The following ZNF148 variants were observed in gnomAD, a reference collection of about 807,000 sequenced individuals.
The protein encoded by ZNF148 is zinc finger protein 148, also known as Beta-Enolase Repressor Factor-1.
ZNF148 carries 7 observed loss-of-function variants against 67.7 expected under a neutral mutation model. That is an observed-to-expected ratio of 0.10 (90% CI 0.06 to 0.19). The LOEUF (loss-of-function observed/expected upper bound fraction) is 0.19. Ranked by LOEUF, ZNF148 falls within the 10% of genes least tolerant of loss-of-function variation. ZNF148 has a pLI of 1.00. For synonymous variants in ZNF148, 333 were observed against 330.7 expected, an observed-to-expected ratio of 1.01 and a Z score of -0.08; for missense variants, 583 against 947.1, an observed-to-expected ratio of 0.62 and a Z score of 5.05.
chr3:125,254,209 G>C (rs560611308), intron 7 of ZNF148, among the ~76,000 whole-genome samples: 59 of 152,034 alleles, frequency 3.9e-4, no homozygotes, highest in African/African-American at 1.4e-3. Flanking sequence ...TGACTATGTA[G>C]ATCTAAGTGA....
chr3:125,338,438 C>T (rs1579841922), intron 1 of ZNF148, among the ~76,000 whole-genome samples: 2 of 151,966 alleles, frequency 1.3e-5, no homozygotes, highest in South Asian at 4.2e-4. Flanking sequence ...AAGTTTAACA[C>T]TTCATTTAAC....
At position 125,233,535 on chromosome 3, in the gene ZNF148, A is replaced by G. The variant is rs755450733; in HGVS notation, c.1191T>C (p.Ser397=). ...CCAGTGGCTGTTTCAGACTTCTCTT[A>G]CTATTAATTTTTTTGAGAACTAACT... is the stretch of plus-strand genomic sequence containing the variant. The part of the protein sequence containing the change: ...PPKLVLKKIN[S]KRSLKQPLEQ... The change falls in exon 9 of 9, where the codon AGT becomes AGC. Residue 397 remains serine (S), a synonymous_variant. Coordinates refer to ENST00000360647, the MANE Select transcript of ZNF148 (RefSeq NM_021964.3). The surrounding 1 kb of genome is among the most constrained non-coding windows in gnomAD (Gnocchi z 5.1). 1.2e-6 allele frequency: 2 copies of G among 1,613,864 alleles called. No individual in the cohort carries two copies. The highest frequency in any genetic ancestry group is 3.3e-5 in the Admixed American group (2 of 59,948).
chr3:125,277,558 T>C (rs1938141471), intron 7 of ZNF148, among the ~76,000 whole-genome samples, 168 bp downstream of exon 7: 1 of 152,216 alleles, frequency 6.6e-6, no homozygotes, highest in Non-Finnish European at 1.5e-5. Context: ...ACATTAAAGT[T>C]AAGTCTTAAC....
intron 4 of ZNF148, among the ~76,000 whole-genome samples, chr3:125,297,816 T>G (rs1939363127): frequency 6.6e-6 from 1 of 152,172 alleles, no homozygotes; most frequent in South Asian, 2.1e-4. Flanking sequence ...CTTCTGTCAG[T>G]ATGTACTAAA....
intron 2 of ZNF148, among the ~76,000 whole-genome samples, chr3:125,330,426 A>T (rs1370577832): frequency 6.8e-6 from 1 of 147,524 alleles, no homozygotes; most frequent in Non-Finnish European, 1.5e-5. Flanking sequence ...AGATCACACC[A>T]CTGCACTCCA....
At chr3:125,262,573 A>T (rs1012768921) in intron 7 of ZNF148, among the ~76,000 whole-genome samples, 2 of 152,240 alleles carry the variant, frequency 1.3e-5, no homozygotes, top group Non-Finnish European at 2.9e-5. Flanking sequence ...TTGTAATAAC[A>T]GGCTGAATTT....
intron 3 of ZNF148, among the ~76,000 whole-genome samples, chr3:125,314,580 C>T (rs1192399762): frequency 1.3e-5 from 2 of 152,108 alleles, no homozygotes; most frequent in African/African-American, 4.8e-5. Context: ...ACAGAGAAAA[C>T]TTTACTGAAA....
intron 1 of ZNF148, among the ~76,000 whole-genome samples, chr3:125,331,705 C>A (rs747980583): frequency 1.3e-5 from 2 of 152,158 alleles, no homozygotes; most frequent in Non-Finnish European, 1.5e-5. Context: ...TTTGAAAACA[C>A]AAACAGCATT....
chr3:125,278,462 G>A (rs183494953), intron 6 of ZNF148, among the ~76,000 whole-genome samples: 23 of 152,070 alleles, frequency 1.5e-4, no homozygotes, highest in African/African-American at 4.8e-4. Flanking sequence ...GCCCACTTGC[G>A]GTTTAACCCT....
At chr3:125,285,267 T>G (rs1035993415) in intron 5 of ZNF148, among the ~76,000 whole-genome samples, 1 of 152,214 alleles carries the variant, frequency 6.6e-6, no homozygotes, top group Non-Finnish European at 1.5e-5. Context: ...TTAAAACAAG[T>G]AACACTTACT....
chr3:125,326,492 T>TA (rs1941023217), intron 2 of ZNF148, among the ~76,000 whole-genome samples: 1 of 151,108 alleles, frequency 6.6e-6, no homozygotes, highest in Non-Finnish European at 1.5e-5. Flanking sequence ...AAAATATAGT[T>TA]AAAAAAATCA....
Position 125,351,043 on chromosome 3 carries a change from T to A in ZNF148, c.-233-19805A>T, listed in dbSNP as rs77254578. Among the ~76,000 whole-genome samples, 9 of 150,420 alleles carry A rather than the reference T, an allele frequency of 6.0e-5. No homozygotes were observed. The East Asian group carries it at 1.8e-3, about 29-fold the overall frequency. On this transcript the variant is annotated intron_variant, in intron 1 of 8. Coordinates refer to ENST00000360647, the MANE Select transcript of ZNF148 (RefSeq NM_021964.3). ...ATGGTTGCCAGGGGATGAGGGGAGG[T>A]AGAAATGAGGAGTTGAGGCTGGGTG...
chr3:125,307,192 T>C lies in ZNF148; in HGVS notation c.333+6116A>G, dbSNP rs2107661276. ...TTTATCCCAGGAACGCAAGAGCTGT[T>C]TAATATTTGAAAATCAGCATAATTC... On this transcript the variant is annotated intron_variant, in intron 4 of 8. Transcript: ENST00000360647. 1.3e-5 allele frequency among the ~76,000 whole-genome samples: 2 copies of C among 152,342 alleles called. 1 individual carries two copies. The highest frequency in any genetic ancestry group is 4.1e-4 in the South Asian group (2 of 4,832).
intron 8 of ZNF148, 57 bp downstream of exon 8, chr3:125,234,154 T>C: frequency 2.3e-6 from 3 of 1,286,488 alleles, no homozygotes; most frequent in Non-Finnish European, 3.3e-6. Context: ...TCTAATCTAA[T>C]TTATAATTAT....
chr3:125,281,707 T>A (rs150822772), intron 5 of ZNF148, among the ~76,000 whole-genome samples: 2 of 152,290 alleles, frequency 1.3e-5, no homozygotes, highest in East Asian at 3.9e-4. Flanking sequence ...AAGCCTTAAT[T>A]CAAGGTGAAT....
At chr3:125,317,662 T>TAGAGAGAGAGAGAGAGAG (rs1553708261) in intron 3 of ZNF148, among the ~76,000 whole-genome samples, 2,018 of 89,902 alleles carry the variant, frequency 0.022, 35 homozygotes, top group East Asian at 0.039. Context: ...TATATATATA[T>TAGAGAGAGAGAGAGAGAG]AGAGAGAGAG....
At chr3:125,324,259 A>G (rs1177676202) in intron 2 of ZNF148, among the ~76,000 whole-genome samples, 1 of 152,160 alleles carries the variant, frequency 6.6e-6, no homozygotes, top group African/African-American at 2.4e-5. Context: ...TGAAGAGAGA[A>G]GAAACACAAT....
intron 1 of ZNF148, among the ~76,000 whole-genome samples, chr3:125,335,922 G>A (rs1056840722): frequency 3.3e-5 from 5 of 152,126 alleles, no homozygotes; most frequent in African/African-American, 9.7e-5. Context: ...ATGAATTAAC[G>A]TAGCAAGATC....
At chr3:125,360,344 G>T (rs1156958510) in intron 1 of ZNF148, among the ~76,000 whole-genome samples, 3 of 151,984 alleles carry the variant, frequency 2.0e-5, no homozygotes, top group Non-Finnish European at 4.4e-5. Flanking sequence ...TGAGCGCAGT[G>T]GTGCAATCAT....
Sources: allele counts gnomAD v4.1 joint callset (sites outside exome capture counted in the v4.1 genomes callset), GRCh38; gene constraint gnomAD v4.1.1; non-coding constraint Gnocchi (gnomAD v3.1); transcripts MANE v1.5; gene names NCBI Gene and HGNC (gene_info 2026-07-23, HGNC 2026-07-21).